Variants in GLYATL3 observed in about 807,000 individuals in gnomAD.
GLYATL3 encodes glycine N-acyltransferase-like protein 3.
GLYATL3 carries 31 observed loss-of-function variants against 28.5 expected under a neutral mutation model. The observed-to-expected ratio is 1.09, with a 90% CI of 0.82 to 1.47. GLYATL3 has a LOEUF of 1.47. Ranked by LOEUF, GLYATL3 falls within the 40% of genes most tolerant of loss-of-function variation. The pLI, the probability that GLYATL3 is intolerant of heterozygous loss-of-function variation, is 0.00. For missense variants in GLYATL3, 369 were observed against 351.5 expected (o/e 1.05, Z -0.40); for synonymous variants, 141 against 140.2 (o/e 1.01, Z -0.04).
intron 1 of GLYATL3, among the ~76,000 whole-genome samples, chr6:49,510,333 C>T (rs1011207655): frequency 7.2e-5 from 11 of 152,212 alleles, no homozygotes; most frequent in Non-Finnish European, 1.3e-4. Context: ...TGAGACACCA[C>T]GCCCAGCCTA....
At chr6:49,514,103 C>T (rs1267268167) in intron 2 of GLYATL3, among the ~76,000 whole-genome samples, 2 of 152,102 alleles carry the variant, frequency 1.3e-5, no homozygotes, top group Admixed American at 1.3e-4. Context: ...AAAGCAAATG[C>T]CTACATAACA....
At chr6:49,521,814 T>C in intron 5 of GLYATL3, 43 bp downstream of exon 5, 1 of 1,523,984 alleles carries the variant, frequency 6.6e-7, no homozygotes, top group Non-Finnish European at 8.9e-7. Flanking sequence ...GACTTACTGC[T>C]ATAGAAGTAC....
intron 3 of GLYATL3, among the ~76,000 whole-genome samples, chr6:49,516,693 C>T (rs1044266885): frequency 6.6e-6 from 1 of 152,042 alleles, no homozygotes; most frequent in Non-Finnish European, 1.5e-5. Flanking sequence ...ACTTGAGAGG[C>T]TGAGGCAGGG....
intron 1 of GLYATL3, among the ~76,000 whole-genome samples, chr6:49,503,123 G>C (rs951102488): frequency 1.3e-5 from 2 of 151,790 alleles, no homozygotes; most frequent in African/African-American, 4.8e-5. Flanking sequence ...TGAATGCATG[G>C]TGGGGGGAAT....
intron 2 of GLYATL3, 149 bp from the exon 3 acceptor site, chr6:49,515,504 C>A: frequency 2.0e-6 from 1 of 494,012 alleles, no homozygotes; most frequent in Non-Finnish European, 3.7e-6. Context: ...ATATACGTGT[C>A]TATTATGTGT....
At chr6:49,513,177 C>T (rs1205570182) in intron 2 of GLYATL3, among the ~76,000 whole-genome samples, 1 of 152,078 alleles carries the variant, frequency 6.6e-6, no homozygotes, top group Non-Finnish European at 1.5e-5. Context: ...AAAGAAAATA[C>T]AGTTTCATTT....
rs535480615 is a variant in GLYATL3, at chr6:49,508,168, C to T, written c.-28-3795C>T. On this transcript the variant is annotated intron_variant, in intron 1 of 5. Coordinates refer to ENST00000371197, the MANE Select transcript of GLYATL3 (RefSeq NM_001010904.2). ...AAAATTAGCCGGGTGTGGTGGCGGG[C>T]GCCTGTAGTCCCAGCTACTCGGGAG... 3.4e-4 allele frequency among the ~76,000 whole-genome samples: 51 copies of T among 151,874 alleles called. No individual in the cohort carries two copies. The South Asian group carries it at 8.8e-3, about 26-fold the overall frequency.
At chr6:49,519,426 C>T (rs1218534314) in intron 4 of GLYATL3, among the ~76,000 whole-genome samples, 1 of 152,162 alleles carries the variant, frequency 6.6e-6, no homozygotes. Context: ...TTCGGCTTCT[C>T]CTGTGGTATT....
At chr6:49,509,293 C>T (rs1311235541) in intron 1 of GLYATL3, among the ~76,000 whole-genome samples, 1 of 152,120 alleles carries the variant, frequency 6.6e-6, no homozygotes, top group Admixed American at 6.5e-5. Context: ...TTCCTGTCAG[C>T]CTCTGGTTAT....
In GLYATL3 at chr6:49,527,111, TG is replaced by T. The variant is rs1296131211; in HGVS notation, c.*198del. 1 of 542,418 alleles carries T rather than the reference TG, an allele frequency of 1.8e-6. No individual in the cohort carries two copies. The highest frequency in any genetic ancestry group is 2.9e-5 in the East Asian group (1 of 34,304). The allele number at this position is 542,418 out of a possible 1,614,324, so 33.6% of individuals were successfully genotyped here. A position where few individuals can be genotyped will look rare whatever the true frequency, so the allele number is the denominator to read the frequency against. On this transcript the variant is annotated 3_prime_UTR_variant, in exon 6 of 6. Transcript: ENST00000371197. ...TTTCTCCAGTAAATAGCTGTGGGGGTGAAGAGTAGCTGTGGCTGAAGACTGA... is the reference window on the plus strand; with the variant it reads ...TTTCTCCAGTAAATAGCTGTGGGGGTAAGAGTAGCTGTGGCTGAAGACTGA...
Position 49,527,690 on chromosome 6 carries a change from AC to A in GLYATL3, c.*778del, listed in dbSNP as rs1360913282. 6.6e-6 allele frequency among the ~76,000 whole-genome samples: 1 copy of A among 152,138 alleles called. No homozygotes were observed. The highest frequency in any genetic ancestry group is 2.4e-5 in the African/African-American group (1 of 41,418). On this transcript the variant is annotated 3_prime_UTR_variant, in exon 6 of 6. Coordinates refer to ENST00000371197, the MANE Select transcript of GLYATL3 (RefSeq NM_001010904.2). ...TGCTGTCACCATAGAACTAGACTTTACCTATAACCTATTTCAGCCCCCTTAT... is the reference window on the plus strand; with the variant it reads ...TGCTGTCACCATAGAACTAGACTTTACTATAACCTATTTCAGCCCCCTTAT...
Position 49,527,601 on chromosome 6 carries a change from A to C in GLYATL3, c.*687A>C, listed in dbSNP as rs1581875985. 6.6e-6 allele frequency among the ~76,000 whole-genome samples: 1 copy of C among 152,154 alleles called. No homozygotes were observed. Among genetic ancestry groups the C allele is most frequent in the Non-Finnish European group, 1.5e-5 (1 of 68,040 alleles). On this transcript the variant is annotated 3_prime_UTR_variant, in exon 6 of 6. Coordinates refer to ENST00000371197, the MANE Select transcript of GLYATL3 (RefSeq NM_001010904.2). ...AGGGCCCAAAATTTGCATTTCTAAC[A>C]GCTTCCCACTGCTTATTTGCCTTGG...
intron 1 of GLYATL3, 111 bp from the exon 2 acceptor site, chr6:49,511,852 C>T: frequency 2.0e-6 from 1 of 496,748 alleles, no homozygotes. Context: ...TCAGGGGGAG[C>T]AATGGCAGTC....
chr6:49,522,040 T>C (rs190784651), intron 5 of GLYATL3, among the ~76,000 whole-genome samples: 20 of 152,326 alleles, frequency 1.3e-4, no homozygotes, highest in Admixed American at 8.5e-4. Flanking sequence ...GTTTTCATAG[T>C]ATCCATGGAA....
In GLYATL3 at chr6:49,515,764, C is replaced by T. The variant is rs1431097053; in HGVS notation, c.186+4C>T. The T allele has an allele frequency of 1.3e-6, 2 of 1,508,316 alleles. No individual in the cohort carries two copies. Among genetic ancestry groups the T allele is most frequent in the African/African-American group, 2.8e-5 (2 of 72,074 alleles). The allele number at this position is 1,508,316 out of a possible 1,614,324, so 93.4% of individuals were successfully genotyped here. A position where few individuals can be genotyped will look rare whatever the true frequency, so the allele number is the denominator to read the frequency against. On this transcript the variant is annotated splice_donor_region_variant and intron_variant, in intron 3 of 5. Coordinates refer to ENST00000371197, the MANE Select transcript of GLYATL3 (RefSeq NM_001010904.2). ...TATCACCCGACGACAAAGAGAGGTA[C>T]AGTTTTGAAAGGTAAAAAGTTTAAA...
rs977788127 is a variant in GLYATL3 at position 49,521,774 on chromosome 6, A to G, written c.440+3A>G. 2 of 1,550,758 alleles carry G rather than the reference A, an allele frequency of 1.3e-6. No homozygotes were observed. Among genetic ancestry groups the G allele is most frequent in the Non-Finnish European group, 1.7e-6 (2 of 1,146,582 alleles). ...TCTCTGCCAGATACCAGTTTCCTGT[A>G]TGTAAACCAAGTTTTTGCATTTGGG... On this transcript the variant is annotated splice_donor_region_variant and intron_variant, in intron 5 of 5. Coordinates refer to ENST00000371197, the MANE Select transcript of GLYATL3 (RefSeq NM_001010904.2).
intron 5 of GLYATL3, among the ~76,000 whole-genome samples, chr6:49,522,475 GT>G (rs1581873115): frequency 1.3e-5 from 2 of 152,056 alleles, no homozygotes; most frequent in Non-Finnish European, 2.9e-5. Context: ...TCCTTTAAGT[GT>G]TTTTTAAATT....
At chr6:49,504,893 C>T (rs867366867) in intron 1 of GLYATL3, among the ~76,000 whole-genome samples, 11 of 152,174 alleles carry the variant, frequency 7.2e-5, no homozygotes, top group African/African-American at 1.2e-4. Flanking sequence ...AAGGTGTCAA[C>T]TGTGAAATGC....
chr6:49,512,137 T>C, intron 2 of GLYATL3, 69 bp downstream of exon 2: 1 of 799,484 alleles, frequency 1.3e-6, no homozygotes. Flanking sequence ...GTCAAACTTG[T>C]GGCTATTTTC....
Sources: gnomAD v4.1 joint callset for allele counts (sites outside exome capture counted in the v4.1 genomes callset) on GRCh38, gnomAD v4.1.1 for gene constraint, MANE v1.5 for transcripts, NCBI Gene and HGNC (gene_info 2026-07-23, HGNC 2026-07-21) for gene names.